The following SHANK2 variants were observed in gnomAD, a reference collection of about 807,000 sequenced individuals.
The protein encoded by SHANK2 is SH3 and multiple ankyrin repeat domains 2.
SHANK2 carries 43 observed loss-of-function variants against 133.7 expected under a neutral mutation model. The observed-to-expected ratio is 0.32, with a 90% confidence interval of 0.25 to 0.41. The LOEUF (loss-of-function observed/expected upper bound fraction) is 0.41. Among genes scored for constraint, SHANK2 ranks in the 10% least tolerant of loss-of-function variants. The pLI is 1.00. For missense variants in SHANK2, 1,994 were observed against 2,235.8 expected, an observed-to-expected ratio of 0.89 and a Z score of 2.18; for synonymous variants, 1,017 against 952.8, an observed-to-expected ratio of 1.07 and a Z score of -1.24.
Position 71,109,862 on chromosome 11 carries a change from C to T in SHANK2, c.592+79G>A, listed in dbSNP as rs141916720. The T allele has an allele frequency of 2.4e-3, 2,064 of 845,526 alleles. 33 individuals carry two copies. In the East Asian group the frequency reaches 0.037, roughly 15 times the overall value. The allele number at this position is 845,526 out of a possible 1,614,324, so 52.4% of individuals were successfully genotyped here. A position where few individuals can be genotyped will look rare whatever the true frequency, so the allele number is the denominator to read the frequency against. On this transcript the variant is annotated intron_variant, in intron 6 of 25. Transcript: ENST00000601538. ...AGTAAAAGGTAACTGCAGCGTTATT[C>T]ACAGGTAGCCTGAGCAGTGGGCTGG... is the stretch of plus-strand genomic sequence containing the variant.
chr11:71,181,419 C>T (rs1449640082), intron 2 of SHANK2, among the ~76,000 whole-genome samples: 1 of 152,050 alleles, frequency 6.6e-6, no homozygotes, highest in African/African-American at 2.4e-5. Context: ...AGGAGGATCG[C>T]CGGAGCCCAG....
At chr11:70,596,768 G>A (rs1554989670) in intron 17 of SHANK2, among the ~76,000 whole-genome samples, 3 of 152,108 alleles carry the variant, frequency 2.0e-5, no homozygotes, top group African/African-American at 7.2e-5. Context: ...ACTTTGGTGG[G>A]GTACACTCAG....
intron 11 of SHANK2, among the ~76,000 whole-genome samples, chr11:70,843,927 G>T (rs1449507664): frequency 6.6e-6 from 1 of 152,178 alleles, no homozygotes; most frequent in African/African-American, 2.4e-5. Context: ...TGGGTGGGTG[G>T]CCATACCATC....
At chr11:70,551,929 C>T (rs1437483077) in intron 17 of SHANK2, among the ~76,000 whole-genome samples, 3 of 152,220 alleles carry the variant, frequency 2.0e-5, no homozygotes, top group Non-Finnish European at 4.4e-5. Context: ...CTCTATGCGC[C>T]AAGCCTGTGC....
At chr11:71,074,160 G>A (rs1951187424) in intron 9 of SHANK2, among the ~76,000 whole-genome samples, 1 of 152,184 alleles carries the variant, frequency 6.6e-6, no homozygotes, top group Non-Finnish European at 1.5e-5. Context: ...AGGTGAGGAT[G>A]ACCTGAGATG....
intron 17 of SHANK2, among the ~76,000 whole-genome samples, chr11:70,599,355 C>T (rs1178343032): frequency 1.3e-5 from 2 of 151,586 alleles, no homozygotes; most frequent in Non-Finnish European, 2.9e-5. Flanking sequence ...CATCTGTAAT[C>T]CCAGCACTTT....
At chr11:71,209,660 C>A (rs142777479) in intron 2 of SHANK2, among the ~76,000 whole-genome samples, 1 of 152,202 alleles carries the variant, frequency 6.6e-6, no homozygotes, top group East Asian at 1.9e-4. Flanking sequence ...CAGACAGGAA[C>A]CCTGTGTTGG....
chr11:71,187,474 T>G (rs1555114653), intron 2 of SHANK2, among the ~76,000 whole-genome samples: 1 of 152,186 alleles, frequency 6.6e-6, no homozygotes, highest in African/African-American at 2.4e-5. Context: ...CTTCATGGGT[T>G]TCTCATGTTT....
At chr11:70,617,010 AGTGT>A (rs1231967770) in intron 17 of SHANK2, among the ~76,000 whole-genome samples, 2 of 151,330 alleles carry the variant, frequency 1.3e-5, no homozygotes, top group Non-Finnish European at 2.9e-5. Flanking sequence ...TGTGTCACTG[AGTGT>A]GTGCCTATGA....
chr11:70,952,846 A>C (rs1555086981), intron 10 of SHANK2: 1 of 372,122 alleles, frequency 2.7e-6, no homozygotes, highest in South Asian at 2.1e-5. Context: ...GATCACAAAC[A>C]AGGTGGCTTC....
intron 14 of SHANK2, among the ~76,000 whole-genome samples, chr11:70,748,207 C>G (rs190737822): frequency 6.6e-6 from 1 of 152,192 alleles, no homozygotes; most frequent in Non-Finnish European, 1.5e-5. Context: ...TTCTGAGCTG[C>G]TCCCAGGATA....
intron 14 of SHANK2, among the ~76,000 whole-genome samples, chr11:70,748,390 A>C (rs571996): frequency 0.45 from 68,602 of 151,898 alleles, 15,844 homozygotes; most frequent in African/African-American, 0.54. Flanking sequence ...ACTAACCAGA[A>C]AAAGGGACCG....
chr11:70,576,416 C>T (rs987937731), intron 17 of SHANK2, among the ~76,000 whole-genome samples: 7 of 152,172 alleles, frequency 4.6e-5, no homozygotes, highest in African/African-American at 1.7e-4. Context: ...GGGCAGATCA[C>T]GAGGTCAGGA....
rs559388077 is a variant in SHANK2 at position 71,196,068 on chromosome 11, A to C, written c.-13+28629T>G. Among the ~76,000 whole-genome samples, 3 of 152,286 alleles carry C rather than the reference A, an allele frequency of 2.0e-5. No individual in the cohort carries two copies. In the South Asian group the frequency reaches 6.2e-4, roughly 32 times the overall value. ...CATGGTGGTGTGTGTCTGGGGTCACAGCTACTTGGGAGTCTGAGGCAGGAG... is the reference window on the plus strand; with the variant it reads ...CATGGTGGTGTGTGTCTGGGGTCACCGCTACTTGGGAGTCTGAGGCAGGAG... On this transcript the variant is annotated intron_variant, in intron 2 of 25. Transcript: ENST00000601538.
intron 15 of SHANK2, among the ~76,000 whole-genome samples, chr11:70,697,616 C>T (rs4367966): frequency 0.54 from 81,944 of 152,112 alleles, 22,493 homozygotes; most frequent in African/African-American, 0.63. Context: ...TTTTAGGTTA[C>T]GTACATTTTA....
intron 11 of SHANK2, among the ~76,000 whole-genome samples, chr11:70,827,486 A>C (rs1485281062): frequency 6.6e-6 from 1 of 152,094 alleles, no homozygotes; most frequent in Admixed American, 6.5e-5. Context: ...AGAGAAGTGG[A>C]TGCAGGCTGG....
chr11:70,634,861 A>C (rs552597123), intron 17 of SHANK2: 4 of 152,248 alleles, frequency 2.6e-5, no homozygotes, highest in African/African-American at 9.6e-5. Flanking sequence ...ACTCCGTCTC[A>C]TAAATAAATA....
intron 21 of SHANK2, among the ~76,000 whole-genome samples, chr11:70,499,831 C>G (rs2059024959): frequency 1.3e-5 from 2 of 152,200 alleles, no homozygotes; most frequent in Admixed American, 1.3e-4. Flanking sequence ...CTCACCCAAT[C>G]TCATCTAACA....
At chr11:70,949,077 G>C (rs1555085985) in intron 10 of SHANK2, among the ~76,000 whole-genome samples, 1 of 152,138 alleles carries the variant, frequency 6.6e-6, no homozygotes, top group East Asian at 1.9e-4. Context: ...GTACCAGCCA[G>C]TGCCCAGCTC....
Sources: allele counts gnomAD v4.1 joint callset (sites outside exome capture counted in the v4.1 genomes callset), GRCh38; gene constraint gnomAD v4.1.1; transcripts MANE v1.5; gene names NCBI Gene and HGNC (gene_info 2026-07-23, HGNC 2026-07-21).